Variants in ZNF71 observed in about 807,000 individuals in gnomAD.
ZNF71 encodes the protein endothelial zinc finger protein induced by tumor necrosis factor alpha.
Under a neutral mutation model 6.7 loss-of-function variants are expected in ZNF71, and 3 were observed. That is an observed-to-expected ratio of 0.45 (90% CI 0.20 to 1.16). The LOEUF is 1.16. Among genes scored for constraint, ZNF71 ranks in the 50% most tolerant of loss-of-function variants. The probability of loss-of-function intolerance (pLI) is 0.25; values close to 1 mark genes in which losing one functional copy is unlikely to be tolerated. For synonymous variants in ZNF71, 343 were observed against 311.1 expected (o/e 1.10, Z -1.08); for missense variants, 688 against 728.6 (o/e 0.94, Z 0.64).
rs775285989 is a variant in ZNF71, at chr19:56,618,566, A to C, written c.161-2702A>C. ...AATTGCCACAGGTCACTGAGTGTTC[A>C]TAAAGAAGTGGGCAGGAGGACCTTC... On this transcript the variant is annotated intron_variant, in intron 3 of 3. Transcript: ENST00000599599. The surrounding 1 kb of genome is among the most constrained non-coding windows in gnomAD (Gnocchi z 4.6). Among the ~76,000 whole-genome samples the C allele has an allele frequency of 2.0e-5, 3 of 152,182 alleles. No individual in the cohort carries two copies. The highest frequency in any genetic ancestry group is 2.9e-5 in the Non-Finnish European group (2 of 68,014).
chr19:56,599,263 A>C (rs964340587), intron 1 of ZNF71, among the ~76,000 whole-genome samples: 6 of 152,132 alleles, frequency 3.9e-5, no homozygotes, highest in Non-Finnish European at 8.8e-5. Flanking sequence ...AGACTCCAAG[A>C]ATTTGTCCTC....
chr19:56,619,936 G>C (rs1036650201), intron 3 of ZNF71, among the ~76,000 whole-genome samples: 5 of 152,204 alleles, frequency 3.3e-5, no homozygotes, highest in African/African-American at 1.2e-4. Flanking sequence ...GAAATGAACA[G>C]GATACACGTG....
At chr19:56,608,512 C>T (rs1233632255) in intron 2 of ZNF71, among the ~76,000 whole-genome samples, 3 of 152,112 alleles carry the variant, frequency 2.0e-5, no homozygotes, top group African/African-American at 2.4e-5. Context: ...CTTATCCACT[C>T]GTGCTTACGT....
At chr19:56,605,138 A>G (rs553677163) in intron 2 of ZNF71, among the ~76,000 whole-genome samples, 1 of 152,334 alleles carries the variant, frequency 6.6e-6, no homozygotes, top group South Asian at 2.1e-4. Context: ...TGAAACCCCC[A>G]TAGGAGCAAA....
At chr19:56,608,869 C>G (rs1265436753) in intron 2 of ZNF71, among the ~76,000 whole-genome samples, 2 of 152,180 alleles carry the variant, frequency 1.3e-5, no homozygotes, top group Non-Finnish European at 2.9e-5. Context: ...ATTTAGAATT[C>G]TGGAAACCCA....
chr19:56,622,416 A>G lies in ZNF71; in HGVS notation c.1309A>G (p.Thr437Ala), dbSNP rs750586434. 1.2e-6 allele frequency: 2 copies of G among 1,614,004 alleles called. No homozygotes were observed. Among genetic ancestry groups the G allele is most frequent in the South Asian group, 1.1e-5 (1 of 91,080 alleles). Residue 437 changes from threonine to alanine, a missense_variant, in exon 4 of 4, where the codon ACC (threonine) becomes GCC (alanine). Thr to Ala is a moderately conservative substitution (Grantham distance 58). Coordinates refer to ENST00000599599, the MANE Select transcript of ZNF71 (RefSeq NM_001370215.1). ...GCTCACGCAGCACCAGCGCATCCAC[A>G]CCGGCGAGAAGCCCTACGAGTGCTA... is the stretch of plus-strand genomic sequence containing the variant. The part of the protein sequence containing the change: ...SSLTQHQRIH[T>A]GEKPYECYIC...
chr19:56,596,360 A>G (rs73934480), intron 1 of ZNF71, among the ~76,000 whole-genome samples: 38,849 of 151,882 alleles, frequency 0.26, 5,245 homozygotes, highest in Admixed American at 0.34. Flanking sequence ...TCCAAAGACT[A>G]TATGCCTGGA....
rs554465787 is a variant in ZNF71 at position 56,610,546 on chromosome 19, C to G, written c.34-3266C>G. 1.3e-4 allele frequency: 20 copies of G among 152,258 alleles called. 2 individuals carry two copies. In the South Asian group the frequency reaches 4.1e-3, roughly 32 times the overall value. 9.4% of individuals were successfully genotyped at this position (152,258 alleles called of 1,614,324 possible). Reference sequence around the variant, plus strand: ...TACTGATGGCCATTTGGGATGTGTTCAGTCTTTTTACTTCTTCATCTGATA... The same window carrying G: ...TACTGATGGCCATTTGGGATGTGTTGAGTCTTTTTACTTCTTCATCTGATA... On this transcript the variant is annotated intron_variant, in intron 2 of 3. Coordinates refer to ENST00000599599, the MANE Select transcript of ZNF71 (RefSeq NM_001370215.1).
At chr19:56,617,834 G>A (rs1277851717) in intron 3 of ZNF71, among the ~76,000 whole-genome samples, 1 of 152,090 alleles carries the variant, frequency 6.6e-6, no homozygotes, top group Non-Finnish European at 1.5e-5. Context: ...CCCTCTGCTG[G>A]TATGCTGCCC....
At position 56,613,946 on chromosome 19, in the gene ZNF71, G is replaced by A. The variant is rs2148014518; in HGVS notation, c.160+8G>A. On this transcript the variant is annotated splice_region_variant and intron_variant, in intron 3 of 3. Coordinates refer to ENST00000599599, the MANE Select transcript of ZNF71 (RefSeq NM_001370215.1). This position sits in a 1 kb window ranked among gnomAD's most constrained non-coding sequence, Gnocchi z 4.6. ...GGAACCTGGTCTCACTGGGTAAGGG[G>A]CAGCTTCGTTGAGTTACTCATCATT... The A allele has an allele frequency of 7.5e-6, 8 of 1,068,612 alleles. No individual in the cohort carries two copies. The highest frequency in any genetic ancestry group is 9.3e-6 in the Non-Finnish European group (8 of 864,754). The allele number at this position is 1,068,612 out of a possible 1,614,324, so 66.2% of individuals were successfully genotyped here.
At position 56,598,008 on chromosome 19, in the gene ZNF71, T is replaced by C. The variant is rs1050259965; in HGVS notation, c.-53+2580T>C. ...AGTGCCTCCTGTGTGTTAGACGTTG[T>C]CCTAGATGTCGGAAATACAATCTGA... On this transcript the variant is annotated intron_variant, in intron 1 of 3. Transcript: ENST00000599599. This position sits in a 1 kb window ranked among gnomAD's most constrained non-coding sequence, Gnocchi z 4.2. Among the ~76,000 whole-genome samples, 2 of 152,230 alleles carry C rather than the reference T, an allele frequency of 1.3e-5. No individual in the cohort carries two copies. The highest frequency in any genetic ancestry group is 2.9e-5 in the Non-Finnish European group (2 of 68,044).
At chr19:56,606,558 C>T (rs1478202179) in intron 2 of ZNF71, among the ~76,000 whole-genome samples, 1 of 152,122 alleles carries the variant, frequency 6.6e-6, no homozygotes, top group Non-Finnish European at 1.5e-5. Flanking sequence ...TGCCTGGCAT[C>T]TCTTGTGTGG....
At chr19:56,614,831 A>G (rs2044778280) in intron 3 of ZNF71, among the ~76,000 whole-genome samples, 1 of 152,220 alleles carries the variant, frequency 6.6e-6, no homozygotes, top group Non-Finnish European at 1.5e-5. Flanking sequence ...GATAAAGGAC[A>G]TATCTATCAT....
chr19:56,613,867 A>G lies in ZNF71; in HGVS notation c.89A>G (p.Gln30Arg). ...GACTTCACCCAGGAGGAGTGGCAGCAGCTGGAGCCTGCCCAGAAGGACCTG... is the reference window on the plus strand; with the variant it reads ...GACTTCACCCAGGAGGAGTGGCAGCGGCTGGAGCCTGCCCAGAAGGACCTG... Reference protein sequence around the residue: ...TVDFTQEEWQQLEPAQKDLYR... With the variant: ...TVDFTQEEWQRLEPAQKDLYR... The change falls in exon 3 of 4, where the codon CAG (glutamine) becomes CGG (arginine). Residue 30 changes from glutamine to arginine, a missense_variant. Gln to Arg is a conservative substitution (Grantham distance 43). Transcript: ENST00000599599. This position sits in a 1 kb window ranked among gnomAD's most constrained non-coding sequence, Gnocchi z 4.6. The G allele has an allele frequency of 8.9e-7, 1 of 1,118,824 alleles. No individual in the cohort carries two copies. Among genetic ancestry groups the G allele is most frequent in the South Asian group, 2.8e-5 (1 of 35,506 alleles). 69.3% of individuals were successfully genotyped at this position (1,118,824 alleles called of 1,614,324 possible).
rs1460924349 is a variant in ZNF71 at position 56,621,922 on chromosome 19, A to C, written c.815A>C (p.Lys272Thr). ...CACCAGCGCACGCACACGGGCGAGA[A>C]GCCGTATGTGTGCGACGTGTGTGGC... ...TVHQRTHTGE[K>T]PYVCDVCGKA... Residue 272 changes from lysine to threonine, a missense_variant, in exon 4 of 4, where the codon AAG (lysine) becomes ACG (threonine). Physicochemically the swap from Lys to Thr is moderately conservative, Grantham distance 78. Coordinates refer to ENST00000599599, the MANE Select transcript of ZNF71 (RefSeq NM_001370215.1). 6 of 1,613,404 alleles carry C rather than the reference A, an allele frequency of 3.7e-6. No individual in the cohort carries two copies. Among genetic ancestry groups the C allele is most frequent in the Non-Finnish European group, 5.1e-6 (6 of 1,179,904 alleles).
At position 56,621,997 on chromosome 19, in the gene ZNF71, CGGG is replaced by C; in HGVS notation, c.893_895del (p.Gly298del). 6.2e-7 allele frequency: 1 copy of C among 1,606,906 alleles called. No individual in the cohort carries two copies. The highest frequency in any genetic ancestry group is 8.5e-7 in the Non-Finnish European group (1 of 1,178,418). On this transcript the variant is annotated inframe_deletion, in exon 4 of 4. Transcript: ENST00000599599. ...CTCACCCAGCACGAGCGGATCCACA[CGGG>C]GGAGAAGCCCTACGCGTGCGGGGAC...
At chr19:56,612,574 T>C (rs974722007) in intron 2 of ZNF71, among the ~76,000 whole-genome samples, 3 of 152,152 alleles carry the variant, frequency 2.0e-5, no homozygotes, top group African/African-American at 7.2e-5. Flanking sequence ...AGCTAAGCGA[T>C]GGATATACAG....
intron 1 of ZNF71, among the ~76,000 whole-genome samples, chr19:56,599,976 C>T (rs1481190572): frequency 1.3e-5 from 2 of 151,818 alleles, no homozygotes; most frequent in Non-Finnish European, 1.5e-5. Context: ...CCACTGCGCC[C>T]GGCCAGTTAT....
In ZNF71 at chr19:56,617,141, T is replaced by A. The variant is rs531850189; in HGVS notation, c.160+3203T>A. Among the ~76,000 whole-genome samples, 5 of 139,426 alleles carry A rather than the reference T, an allele frequency of 3.6e-5. No homozygotes were observed. The South Asian group carries it at 9.1e-4, about 25-fold the overall frequency. 91.5% of individuals were successfully genotyped at this position (139,426 alleles called of 152,430 possible). A position where few individuals can be genotyped will look rare whatever the true frequency, so the allele number is the denominator to read the frequency against. ...TTTTTTGTTTTTTTTGAGACAGTCT[T>A]GCTCTGTTGCCCAAGCTGGAGTGCA... On this transcript the variant is annotated intron_variant, in intron 3 of 3. Transcript: ENST00000599599.
Sources: allele counts gnomAD v4.1 joint callset (sites outside exome capture counted in the v4.1 genomes callset), GRCh38; gene constraint gnomAD v4.1.1; non-coding constraint Gnocchi (gnomAD v3.1); transcripts MANE v1.5; gene names NCBI Gene and HGNC (gene_info 2026-07-23, HGNC 2026-07-21).